Variants in PIAS1 observed in about 807,000 individuals in gnomAD.
PIAS1 encodes the protein E3 SUMO-protein ligase PIAS1.
PIAS1 carries 6 observed loss-of-function variants against 71.3 expected under a neutral mutation model. The ratio of observed to expected loss-of-function variants is 0.08; its 90% CI spans 0.05 to 0.17. The LOEUF is 0.17. Ranked by LOEUF, PIAS1 falls within the 10% of genes least tolerant of loss-of-function variation. The pLI is 1.00. For synonymous variants in PIAS1, 303 were observed against 292.9 expected (o/e 1.03, Z -0.35); for missense variants, 555 against 793.6 (o/e 0.70, Z 3.61).
chr15:68,147,556 G>T (rs1405656566), intron 6 of PIAS1, among the ~76,000 whole-genome samples: 3 of 151,496 alleles, frequency 2.0e-5, no homozygotes, highest in Admixed American at 6.6e-5. Flanking sequence ...ATTTATATTG[G>T]CTACACAAAG....
intron 7 of PIAS1, among the ~76,000 whole-genome samples, chr15:68,159,340 CTCTT>C (rs1318161710): frequency 6.6e-6 from 1 of 152,080 alleles, no homozygotes; most frequent in Admixed American, 6.5e-5. Context: ...TCCGTTTTCT[CTCTT>C]TCTTTTGAGA....
intron 2 of PIAS1, among the ~76,000 whole-genome samples, chr15:68,131,229 A>G (rs2092685946): frequency 6.6e-6 from 1 of 152,214 alleles, no homozygotes; most frequent in Admixed American, 6.5e-5. Flanking sequence ...GGGAATCTTT[A>G]TAGTCAACAG....
chr15:68,071,980 G>C (rs773902521), intron 1 of PIAS1, among the ~76,000 whole-genome samples: 16 of 151,584 alleles, frequency 1.1e-4, no homozygotes, highest in Non-Finnish European at 1.6e-4. Flanking sequence ...GTGATTACTG[G>C]GATATTCTTT....
intron 7 of PIAS1, among the ~76,000 whole-genome samples, chr15:68,163,485 C>T (rs1340379797): frequency 6.6e-6 from 1 of 152,026 alleles, no homozygotes; most frequent in Non-Finnish European, 1.5e-5. Context: ...AATTGGTGTC[C>T]CTCTTTTCAT....
intron 8 of PIAS1, among the ~76,000 whole-genome samples, chr15:68,169,409 C>T (rs2092976529): frequency 6.6e-6 from 1 of 152,156 alleles, no homozygotes; most frequent in African/African-American, 2.4e-5. Context: ...GCATGTCGCT[C>T]ACGCCTATAA....
chr15:68,146,282 A>G (rs2092807437), intron 5 of PIAS1, among the ~76,000 whole-genome samples: 1 of 151,904 alleles, frequency 6.6e-6, no homozygotes, highest in South Asian at 2.1e-4. Flanking sequence ...AAATACTACT[A>G]CTCATGTACC....
At chr15:68,080,395 T>C (rs1297268652) in intron 1 of PIAS1, among the ~76,000 whole-genome samples, 1 of 152,224 alleles carries the variant, frequency 6.6e-6, no homozygotes, top group East Asian at 1.9e-4. Flanking sequence ...GGAAGATAAT[T>C]AACTAGAGGA....
chr15:68,151,374 AT>A (rs1278453775), intron 6 of PIAS1, among the ~76,000 whole-genome samples: 5 of 151,968 alleles, frequency 3.3e-5, no homozygotes, highest in Non-Finnish European at 7.4e-5. Context: ...CTCTTCTTAA[AT>A]ATTTATATAA....
chr15:68,094,207 A>G (rs1395706322), intron 2 of PIAS1, among the ~76,000 whole-genome samples: 2 of 151,666 alleles, frequency 1.3e-5, no homozygotes, highest in Admixed American at 6.6e-5. Flanking sequence ...TAGTATACCA[A>G]TAATTCTGGA....
chr15:68,162,660 A>G (rs2141075166), intron 7 of PIAS1, among the ~76,000 whole-genome samples: 1 of 152,356 alleles, frequency 6.6e-6, no homozygotes, highest in African/African-American at 2.4e-5. Flanking sequence ...CCAACTCTCA[A>G]TCTAAGGCCA....
chr15:68,066,417 T>G (rs1016315810), intron 1 of PIAS1, among the ~76,000 whole-genome samples: 1 of 152,142 alleles, frequency 6.6e-6, no homozygotes, highest in Non-Finnish European at 1.5e-5. Context: ...CCTGATTGCT[T>G]TTTCTGTAGT....
In PIAS1 at chr15:68,181,205, C is replaced by T. The variant is rs1389574007; in HGVS notation, c.1482-7C>T. Reference sequence around the variant, plus strand: ...ATGAAAACTATGCCAATCTTTCCTTCTTCCAGCATTTTAAGTCTTCCACAT... The same window carrying T: ...ATGAAAACTATGCCAATCTTTCCTTTTTCCAGCATTTTAAGTCTTCCACAT... On this transcript the variant is annotated splice_region_variant and splice_polypyrimidine_tract_variant and intron_variant, in intron 11 of 13. Transcript: ENST00000249636. 6.2e-7 allele frequency: 1 copy of T among 1,612,160 alleles called. No homozygotes were observed. The highest frequency in any genetic ancestry group is 8.5e-7 in the Non-Finnish European group (1 of 1,178,910).
chr15:68,160,083 AG>A (rs2092914748), intron 7 of PIAS1, among the ~76,000 whole-genome samples: 1 of 152,128 alleles, frequency 6.6e-6, no homozygotes, highest in African/African-American at 2.4e-5. Context: ...GCATCTTCTC[AG>A]GTGCTTATTT....
chr15:68,137,606 C>T (rs1444215042), intron 2 of PIAS1, among the ~76,000 whole-genome samples: 1 of 151,840 alleles, frequency 6.6e-6, no homozygotes, highest in Admixed American at 6.6e-5. Flanking sequence ...ACTTTGGAGG[C>T]AGGAGATGTA....
chr15:68,090,927 G>GGTGGGGGT (rs1555425135), intron 2 of PIAS1, among the ~76,000 whole-genome samples: 8 of 142,760 alleles, frequency 5.6e-5, no homozygotes, highest in African/African-American at 2.1e-4. Context: ...GTCATTTACG[G>GGTGGGGGT]GTGTGTGTGT....
intron 1 of PIAS1, among the ~76,000 whole-genome samples, chr15:68,077,392 G>A (rs967237219): frequency 2.0e-5 from 3 of 152,168 alleles, no homozygotes; most frequent in Admixed American, 2.0e-4. Context: ...AGTGGGAAGG[G>A]GTCTAGCTAG....
intron 2 of PIAS1, among the ~76,000 whole-genome samples, chr15:68,111,268 G>A (rs1417968225): frequency 6.6e-6 from 1 of 152,158 alleles, no homozygotes; most frequent in Non-Finnish European, 1.5e-5. Context: ...GTGGTCAGAG[G>A]TAAGGGTTGG....
Position 68,054,556 on chromosome 15 carries a change from G to T in PIAS1, c.24+206G>T, listed in dbSNP as rs893591978. 15 of 502,918 alleles carry T rather than the reference G, an allele frequency of 3.0e-5. No individual in the cohort carries two copies. The highest frequency in any genetic ancestry group is 4.9e-5 in the Non-Finnish European group (14 of 285,194). 31.2% of individuals were successfully genotyped at this position (502,918 alleles called of 1,614,324 possible). On this transcript the variant is annotated intron_variant, in intron 1 of 13. Transcript: ENST00000249636. The surrounding 1 kb of genome is among the most constrained non-coding windows in gnomAD (Gnocchi z 4.6). ...CCCCGGGTGCCTCGGGGGCGCTGAC[G>T]GGTCGTCCCCGGCGTGTTATTGTTG...
Position 68,191,317 on chromosome 15 carries a change from A to G in PIAS1, c.*3482A>G, listed in dbSNP as rs1230094428. On this transcript the variant is annotated 3_prime_UTR_variant, in exon 14 of 14. Coordinates refer to ENST00000249636, the MANE Select transcript of PIAS1 (RefSeq NM_016166.3). ...ATGCCAAACCAGTAAAATGGCTTTT[A>G]AAAATGTATAGTAGACAATGTCAGT... 1 of 152,688 alleles carries G rather than the reference A, an allele frequency of 6.5e-6. No individual in the cohort carries two copies. Among genetic ancestry groups the G allele is most frequent in the East Asian group, 1.9e-4 (1 of 5,204 alleles). The allele number at this position is 152,688 out of a possible 1,614,324, so 9.5% of individuals were successfully genotyped here.
Sources: allele counts gnomAD v4.1 joint callset (sites outside exome capture counted in the v4.1 genomes callset), GRCh38; gene constraint gnomAD v4.1.1; non-coding constraint Gnocchi (gnomAD v3.1); transcripts MANE v1.5; gene names NCBI Gene and HGNC (gene_info 2026-07-23, HGNC 2026-07-21).